Variants in UBE2W observed in about 807,000 individuals in gnomAD.
The protein encoded by UBE2W is ubiquitin-conjugating enzyme E2 W.
A neutral mutation model predicts 27.2 loss-of-function variants in UBE2W; 18 were observed. That is an observed-to-expected ratio of 0.66 (90% CI 0.46 to 0.98). The LOEUF is 0.98. Ranked by LOEUF, UBE2W falls within the 50% of genes least tolerant of loss-of-function variation. The pLI, the probability that UBE2W is intolerant of heterozygous loss-of-function variation, is 0.00. For missense variants in UBE2W, 90 were observed against 180.2 expected (o/e 0.50, Z 2.87); for synonymous variants, 53 against 57.2 (o/e 0.93, Z 0.33).
intron 1 of UBE2W, among the ~76,000 whole-genome samples, chr8:73,837,655 TG>T (rs1810363843): frequency 6.6e-6 from 1 of 152,246 alleles, no homozygotes; most frequent in African/African-American, 2.4e-5. Context: ...GTTTTAGCTG[TG>T]CTGCCTGGCC....
chr8:73,860,302 T>A (rs1586537018), intron 1 of UBE2W, among the ~76,000 whole-genome samples: 1 of 152,230 alleles, frequency 6.6e-6, no homozygotes, highest in East Asian at 1.9e-4. Flanking sequence ...CCCAATTCTT[T>A]ACTTTCTCTA....
rs1281322341 is a variant in UBE2W at position 73,788,272 on chromosome 8, T to C, written c.*5830A>G. The C allele has an allele frequency of 2.1e-6, 2 of 966,708 alleles. No individual in the cohort carries two copies. Among genetic ancestry groups the C allele is most frequent in the Middle Eastern group, 5.3e-4 (1 of 1,892 alleles). 59.9% of individuals were successfully genotyped at this position (966,708 alleles called of 1,614,324 possible). On this transcript the variant is annotated 3_prime_UTR_variant, in exon 6 of 6. Transcript: ENST00000602593. ...TAACATTTATATTCTATTTAAAAAG[T>C]AGTGACTTTACATATTTTGCAACTT...
Position 73,812,956 on chromosome 8 carries a change from G to C in UBE2W, c.211-2327C>G, listed in dbSNP as rs1238712218. 6.7e-5 allele frequency among the ~76,000 whole-genome samples: 10 copies of C among 150,180 alleles called. No homozygotes were observed. The East Asian group carries it at 2.0e-3, about 29-fold the overall frequency. On this transcript the variant is annotated intron_variant, in intron 3 of 5. Transcript: ENST00000602593. ...GGAGGCAGAGGTTGCAGTGAGCTGA[G>C]ATCGCACCACCGCACTCCAGCCTGG...
downstream of UBE2W, among the ~76,000 whole-genome samples, chr8:73,781,560 CAAGTAT>C (rs1405263363): frequency 6.6e-6 from 1 of 151,372 alleles, no homozygotes; most frequent in Non-Finnish European, 1.5e-5. Context: ...GTGGTTATCT[CAAGTAT>C]AAGTGTACTG....
intron 5 of UBE2W, 128 bp from the exon 6 acceptor site, chr8:73,794,243 C>T (rs1159545229): frequency 2.6e-6 from 3 of 1,143,156 alleles, no homozygotes; most frequent in Non-Finnish European, 3.7e-6. Context: ...GATCTGCCTC[C>T]CCCAAACCTG....
intron 1 of UBE2W, among the ~76,000 whole-genome samples, chr8:73,836,932 A>G (rs1586499726): frequency 6.6e-6 from 1 of 152,300 alleles, no homozygotes; most frequent in East Asian, 1.9e-4. Context: ...CAGCAGAAAC[A>G]CCCAGAAACC....
At chr8:73,820,558 G>C (rs1411959355) in intron 3 of UBE2W, among the ~76,000 whole-genome samples, 1 of 151,854 alleles carries the variant, frequency 6.6e-6, no homozygotes, top group African/African-American at 2.4e-5. Context: ...CCAACATGGT[G>C]AAACCTTGTT....
chr8:73,875,773 C>A (rs1044502290), intron 1 of UBE2W, among the ~76,000 whole-genome samples: 1 of 152,068 alleles, frequency 6.6e-6, no homozygotes, highest in South Asian at 2.1e-4. Flanking sequence ...CACTTGGCCG[C>A]GTGCAGTGGC....
Position 73,787,865 on chromosome 8 carries a change from T to C in UBE2W, c.*6237A>G, listed in dbSNP as rs1808023737. On this transcript the variant is annotated 3_prime_UTR_variant, in exon 6 of 6. Transcript: ENST00000602593. ...CCTGGGTCTCCATTTCCATCTTCACTGAAAACACTCAGTCTTTAGTTGGGA... is the reference window on the plus strand; with the variant it reads ...CCTGGGTCTCCATTTCCATCTTCACCGAAAACACTCAGTCTTTAGTTGGGA... 1.0e-6 allele frequency: 1 copy of C among 985,328 alleles called. No individual in the cohort carries two copies. The highest frequency in any genetic ancestry group is 1.2e-6 in the Non-Finnish European group (1 of 829,940). The allele number at this position is 985,328 out of a possible 1,614,324, so 61.0% of individuals were successfully genotyped here. A position where few individuals can be genotyped will look rare whatever the true frequency, so the allele number is the denominator to read the frequency against.
intron 1 of UBE2W, among the ~76,000 whole-genome samples, chr8:73,873,344 C>T (rs1245326201): frequency 6.6e-6 from 1 of 152,194 alleles, no homozygotes; most frequent in Non-Finnish European, 1.5e-5. Context: ...CTCTCAATCA[C>T]TATAGCCAAT....
At chr8:73,866,006 A>G (rs6993718) in intron 1 of UBE2W, among the ~76,000 whole-genome samples, 28,827 of 151,920 alleles carry the variant, frequency 0.19, 4,132 homozygotes, top group African/African-American at 0.41. Flanking sequence ...GACCAGGAGC[A>G]GTGGCTCATG....
At chr8:73,847,082 T>C (rs1011920656) in intron 1 of UBE2W, among the ~76,000 whole-genome samples, 3 of 152,048 alleles carry the variant, frequency 2.0e-5, no homozygotes, top group East Asian at 1.9e-4. Context: ...GGCAGGAGAA[T>C]TGCTCGAACC....
Position 73,790,164 on chromosome 8 carries a change from T to A in UBE2W, c.*3938A>T, listed in dbSNP as rs528651909. On this transcript the variant is annotated 3_prime_UTR_variant, in exon 6 of 6. Coordinates refer to ENST00000602593, the MANE Select transcript of UBE2W (RefSeq NM_018299.6). ...GGCATAATTTTAATAATCGTCCTTC[T>A]GTAGAATCCCTAACCTCAGAAAAAA... 11 of 984,924 alleles carry A rather than the reference T, an allele frequency of 1.1e-5. No homozygotes were observed. Among genetic ancestry groups the A allele is most frequent in the Non-Finnish European group, 1.2e-5 (10 of 829,788 alleles). 61.0% of individuals were successfully genotyped at this position (984,924 alleles called of 1,614,324 possible).
At chr8:73,810,000 T>A (rs1809086030) in intron 4 of UBE2W, among the ~76,000 whole-genome samples, 1 of 152,166 alleles carries the variant, frequency 6.6e-6, no homozygotes, top group Admixed American at 6.6e-5. Context: ...AAAATTCGAC[T>A]GGTAAACTGG....
In UBE2W at chr8:73,832,927, C is replaced by T. The variant is rs1810139998; in HGVS notation, c.16-2455G>A. 2.0e-5 allele frequency among the ~76,000 whole-genome samples: 3 copies of T among 152,140 alleles called. 1 individual carries two copies. Among genetic ancestry groups the T allele is most frequent in the East Asian group, 3.8e-4 (2 of 5,196 alleles). On this transcript the variant is annotated intron_variant, in intron 1 of 5. Coordinates refer to ENST00000602593, the MANE Select transcript of UBE2W (RefSeq NM_018299.6). ...TAGTTCGGCTGGGCGTTGTGGCTCACGCCTGTAATCCCAGCACTTTGGGAG... is the reference window on the plus strand; with the variant it reads ...TAGTTCGGCTGGGCGTTGTGGCTCATGCCTGTAATCCCAGCACTTTGGGAG...
rs1808005285 is a variant in UBE2W at position 73,787,509 on chromosome 8, AG to A, written c.*6592del. On this transcript the variant is annotated 3_prime_UTR_variant, in exon 6 of 6. Transcript: ENST00000602593. Reference sequence around the variant, plus strand: ...TACTAACATAGTTGTGTAGGACGGCAGGAACAGCTTGAGACATGATCGTTTT... The same window carrying A: ...TACTAACATAGTTGTGTAGGACGGCAGAACAGCTTGAGACATGATCGTTTT... The A allele has an allele frequency of 1.0e-6, 1 of 985,326 alleles. No homozygotes were observed. The highest frequency in any genetic ancestry group is 4.7e-5 in the South Asian group (1 of 21,296). 61.0% of individuals were successfully genotyped at this position (985,326 alleles called of 1,614,324 possible).
chr8:73,851,894 A>G lies in UBE2W; in HGVS notation c.16-21422T>C, dbSNP rs1026643590. Among the ~76,000 whole-genome samples, 10 of 143,206 alleles carry G rather than the reference A, an allele frequency of 7.0e-5. No homozygotes were observed. In the East Asian group the frequency reaches 7.9e-4, roughly 11 times the overall value. The allele number at this position is 143,206 out of a possible 152,430, so 93.9% of individuals were successfully genotyped here. ...TGGCCTATAATCCCAAGTACTTGAG[A>G]GGCTGAGGCAGGAGTTCAAGACAAG... On this transcript the variant is annotated intron_variant, in intron 1 of 5. Coordinates refer to ENST00000602593, the MANE Select transcript of UBE2W (RefSeq NM_018299.6).
intron 1 of UBE2W, among the ~76,000 whole-genome samples, chr8:73,863,901 A>C (rs1811631613): frequency 6.6e-6 from 1 of 151,968 alleles, no homozygotes; most frequent in Non-Finnish European, 1.5e-5. Context: ...CACTGGTTTG[A>C]ACTGCATGGT....
rs151114320 is a variant in UBE2W, at chr8:73,843,355, G to A, written c.16-12883C>T. Among the ~76,000 whole-genome samples, 138 of 152,104 alleles carry A rather than the reference G, an allele frequency of 9.1e-4. 1 individual carries two copies. Among genetic ancestry groups the A allele is most frequent in the African/African-American group, 2.9e-3 (120 of 41,496 alleles). ...ACATCTAAATAAAAATTTTTTCACC[G>A]AGCACAATGGCTTGTGCCTGTAATC... On this transcript the variant is annotated intron_variant, in intron 1 of 5. Transcript: ENST00000602593.
Sources: allele counts gnomAD v4.1 joint callset (sites outside exome capture counted in the v4.1 genomes callset), GRCh38; gene constraint gnomAD v4.1.1; transcripts MANE v1.5; gene names NCBI Gene and HGNC (gene_info 2026-07-23, HGNC 2026-07-21).